Variants in CERKL observed in about 807,000 individuals in gnomAD.
The protein encoded by CERKL is CERK like autophagy regulator, also known as ceramide kinase-like protein.
CERKL carries 61 observed loss-of-function variants against 63.4 expected under a neutral mutation model. The observed-to-expected ratio is 0.96, with a 90% confidence interval of 0.78 to 1.19. The LOEUF is 1.19. Ranked by LOEUF, CERKL falls within the 50% of genes most tolerant of loss-of-function variation. CERKL has a pLI of 0.00. For synonymous variants in CERKL, 250 were observed against 230.5 expected, an observed-to-expected ratio of 1.08 and a Z score of -0.77; for missense variants, 675 against 655.5, an observed-to-expected ratio of 1.03 and a Z score of -0.33.
chr2:181,549,818 C>A, intron 5 of CERKL, 110 bp from the exon 6 acceptor site: 1 of 782,376 alleles, frequency 1.3e-6, no homozygotes, highest in Non-Finnish European at 2.3e-6. Flanking sequence ...GAAAAATAAA[C>A]GAGAATTTAT....
chr2:181,574,231 G>GA (rs1270198794), intron 2 of CERKL, among the ~76,000 whole-genome samples: 2 of 152,014 alleles, frequency 1.3e-5, no homozygotes, highest in Non-Finnish European at 2.9e-5. Context: ...TTTGTTTCTG[G>GA]AAAAAAAGCA....
chr2:181,597,115 CTACT>C (rs1317692017), intron 2 of CERKL, among the ~76,000 whole-genome samples: 1 of 152,176 alleles, frequency 6.6e-6, no homozygotes. Context: ...TTTCCCACCA[CTACT>C]TACTAGAGTA....
Position 181,656,928 on chromosome 2 carries a change from C to T in CERKL, c.79G>A (p.Ala27Thr), listed in dbSNP as rs1171479863. The T allele has an allele frequency of 1.3e-6, 2 of 1,591,818 alleles. No individual in the cohort carries two copies. Among genetic ancestry groups the T allele is most frequent in the African/African-American group, 2.7e-5 (2 of 74,210 alleles). The part of the protein sequence containing the change: ...REEEAPPEAA[A>T]VPPALLTSPQ... ...GACGTTAACAGCGCCGGAGGCACAG[C>T]GGCAGCCTCCGGGGGCGCCTCTTCC... Residue 27 changes from alanine (A) to threonine (T), a missense_variant, in exon 1 of 13, where the codon GCT becomes ACT. Coordinates refer to ENST00000410087, the MANE Select transcript of CERKL (RefSeq NM_201548.5).
At chr2:181,548,468 G>T in intron 8 of CERKL, 77 bp downstream of exon 8, 1 of 1,074,960 alleles carries the variant, frequency 9.3e-7, no homozygotes, top group Non-Finnish European at 1.4e-6. Context: ...AAGATCCTAA[G>T]TCTGATCAAT....
chr2:181,538,017 T>A lies in CERKL; in HGVS notation c.*167A>T, dbSNP rs1219498793. ...TTCCTCAAGAGAATCTAATGCCTGA[T>A]GATCTGAGGTGGAACAGTTCATCCT... On this transcript the variant is annotated 3_prime_UTR_variant, in exon 13 of 13. Transcript: ENST00000410087. 1.5e-6 allele frequency: 1 copy of A among 689,114 alleles called. No individual in the cohort carries two copies. 42.7% of individuals were successfully genotyped at this position (689,114 alleles called of 1,614,324 possible).
chr2:181,598,774 G>A (rs1287765636), intron 2 of CERKL, among the ~76,000 whole-genome samples: 2 of 151,612 alleles, frequency 1.3e-5, no homozygotes, highest in Non-Finnish European at 2.9e-5. Context: ...AAGCTACCAC[G>A]CCCAAGGAAT....
intron 1 of CERKL, among the ~76,000 whole-genome samples, chr2:181,617,805 T>C (rs1686263715): frequency 6.6e-6 from 1 of 152,212 alleles, no homozygotes; most frequent in Non-Finnish European, 1.5e-5. Context: ...AACCAGCCTT[T>C]AAGAAATTAG....
At chr2:181,640,301 A>T (rs1687361858) in intron 1 of CERKL, among the ~76,000 whole-genome samples, 1 of 152,090 alleles carries the variant, frequency 6.6e-6, no homozygotes, top group African/African-American at 2.4e-5. Context: ...CATGGCTGAG[A>T]GTTCCTTCCT....
At chr2:181,571,721 CCCTAA>C (rs1354680339) in intron 3 of CERKL, among the ~76,000 whole-genome samples, 1 of 152,104 alleles carries the variant, frequency 6.6e-6, no homozygotes. Flanking sequence ...CCTTTCTTCT[CCCTAA>C]CAGAATCCAG....
At chr2:181,607,832 T>G (rs1425413626) in intron 1 of CERKL, among the ~76,000 whole-genome samples, 1 of 152,212 alleles carries the variant, frequency 6.6e-6, no homozygotes, top group Non-Finnish European at 1.5e-5. Flanking sequence ...GAAGCTTGTC[T>G]TCCACACGGG....
In CERKL at chr2:181,537,315, G is replaced by A. The variant is rs886055314; in HGVS notation, c.*869C>T. 9 of 453,536 alleles carry A rather than the reference G, an allele frequency of 2.0e-5. No individual in the cohort carries two copies. The highest frequency in any genetic ancestry group is 6.9e-4 in the Middle Eastern group (1 of 1,442). 28.1% of individuals were successfully genotyped at this position (453,536 alleles called of 1,614,324 possible). A position where few individuals can be genotyped will look rare whatever the true frequency, so the allele number is the denominator to read the frequency against. ...ATATTTCAGGTTATCTGAGCACAGT[G>A]AAAGCAGAGTACTATGGTTGTCCAA... On this transcript the variant is annotated 3_prime_UTR_variant, in exon 13 of 13. Coordinates refer to ENST00000410087, the MANE Select transcript of CERKL (RefSeq NM_201548.5).
At position 181,608,929 on chromosome 2, in the gene CERKL, G is replaced by T. The variant is rs1048236555; in HGVS notation, c.239-4850C>A. 3.3e-5 allele frequency among the ~76,000 whole-genome samples: 5 copies of T among 152,118 alleles called. No individual in the cohort carries two copies. The East Asian group carries it at 9.6e-4, about 29-fold the overall frequency. ...ACACCCAAGAAGAAGGTATAATGGA[G>T]ATAAAAAAAATTCCCATATCAATTA... On this transcript the variant is annotated intron_variant, in intron 1 of 12. Transcript: ENST00000410087.
Position 181,558,736 on chromosome 2 carries a change from G to T in CERKL, c.678-28C>A. The T allele has an allele frequency of 6.2e-7, 1 of 1,612,018 alleles. No individual in the cohort carries two copies. Among genetic ancestry groups the T allele is most frequent in the East Asian group, 2.2e-5 (1 of 44,724 alleles). ...AGAAAAATACAAATCAAGCAAAGAA[G>T]GCAAAACTTCAGAATGATTGGTAAT... On this transcript the variant is annotated intron_variant, in intron 4 of 12. Coordinates refer to ENST00000410087, the MANE Select transcript of CERKL (RefSeq NM_201548.5). This position sits in a 1 kb window ranked among gnomAD's most constrained non-coding sequence, Gnocchi z 4.2.
chr2:181,592,768 A>G (rs1361611755), intron 2 of CERKL, among the ~76,000 whole-genome samples: 1 of 152,204 alleles, frequency 6.6e-6, no homozygotes, highest in Non-Finnish European at 1.5e-5. Flanking sequence ...TGTAAAATGT[A>G]ATCATAGTTT....
Position 181,656,903 on chromosome 2 carries a change from G to T in CERKL, c.104C>A (p.Ser35Tyr), listed in dbSNP as rs1237603343. 6.2e-7 allele frequency: 1 copy of T among 1,604,068 alleles called. No homozygotes were observed. The highest frequency in any genetic ancestry group is 8.5e-7 in the Non-Finnish European group (1 of 1,174,772). The change falls in exon 1 of 13, where the codon TCC becomes TAC. Residue 35 changes from serine to tyrosine, a missense_variant. By Grantham distance (144) the Ser-to-Tyr change is moderately radical. Transcript: ENST00000410087. Reference sequence around the variant, plus strand: ...GGCCGCCGCCTCCGTCTGCTGCGGGGACGTTAACAGCGCCGGAGGCACAGC... The same window carrying T: ...GGCCGCCGCCTCCGTCTGCTGCGGGTACGTTAACAGCGCCGGAGGCACAGC... ...AAAVPPALLT[S>Y]PQQTEAAAER...
chr2:181,580,812 G>C (rs1010422629), intron 2 of CERKL, among the ~76,000 whole-genome samples: 1 of 152,008 alleles, frequency 6.6e-6, no homozygotes, highest in Non-Finnish European at 1.5e-5. Context: ...CTCTAAAATA[G>C]TTTAAATAGT....
intron 1 of CERKL, among the ~76,000 whole-genome samples, chr2:181,646,379 A>G (rs188566958): frequency 1.3e-5 from 2 of 152,376 alleles, no homozygotes; most frequent in African/African-American, 2.4e-5. Context: ...TTATTGTCCC[A>G]TAACTTACAC....
chr2:181,608,748 A>G (rs1490590232), intron 1 of CERKL, among the ~76,000 whole-genome samples: 1 of 152,212 alleles, frequency 6.6e-6, no homozygotes, highest in Admixed American at 6.5e-5. Context: ...GTGAAATAAA[A>G]GACAGTAATT....
Position 181,558,738 on chromosome 2 carries a change from C to A in CERKL, c.678-30G>T, listed in dbSNP as rs534791684. On this transcript the variant is annotated intron_variant, in intron 4 of 12. Transcript: ENST00000410087. This position sits in a 1 kb window ranked among gnomAD's most constrained non-coding sequence, Gnocchi z 4.2. Reference sequence around the variant, plus strand: ...AAAAATACAAATCAAGCAAAGAAGGCAAAACTTCAGAATGATTGGTAATAA... The same window carrying A: ...AAAAATACAAATCAAGCAAAGAAGGAAAAACTTCAGAATGATTGGTAATAA... The A allele has an allele frequency of 1.6e-4, 263 of 1,611,250 alleles. No individual in the cohort carries two copies. The highest frequency in any genetic ancestry group is 2.0e-4 in the Non-Finnish European group (237 of 1,178,118).
Sources: allele counts gnomAD v4.1 joint callset (sites outside exome capture counted in the v4.1 genomes callset), GRCh38; gene constraint gnomAD v4.1.1; non-coding constraint Gnocchi (gnomAD v3.1); transcripts MANE v1.5; gene names NCBI Gene and HGNC (gene_info 2026-07-23, HGNC 2026-07-21).